VPS37B: variants seen among roughly 807,000 people sequenced by gnomAD.
VPS37B encodes VPS37B subunit of ESCRT-I.
A neutral mutation model predicts 21.2 loss-of-function variants in VPS37B; 11 were observed. The observed-to-expected ratio is 0.52, with a 90% CI of 0.33 to 0.86. The LOEUF (loss-of-function observed/expected upper bound fraction) is 0.86. Ranked by LOEUF, VPS37B falls within the 40% of genes least tolerant of loss-of-function variation. The pLI is 0.03. For missense variants in VPS37B, 389 were observed against 374.8 expected, an observed-to-expected ratio of 1.04 and a Z score of -0.31; for synonymous variants, 175 against 159.6, an observed-to-expected ratio of 1.10 and a Z score of -0.73.
chr12:122,877,491 CT>C (rs746835309), intron 1 of VPS37B: 3 of 152,292 alleles, frequency 2.0e-5, no homozygotes, highest in Non-Finnish European at 2.9e-5. Flanking sequence ...AAGCGATCCT[CT>C]TGCCTCAGCC....
intron 1 of VPS37B, chr12:122,874,412 CTT>C (rs1168145448): frequency 1.3e-5 from 2 of 152,212 alleles, no homozygotes; most frequent in African/African-American, 4.8e-5. Context: ...AAGCTGAAGA[CTT>C]TTGCTCCAGT....
At chr12:122,885,476 G>A (rs2034307634) in intron 1 of VPS37B, 1 of 151,700 alleles carries the variant, frequency 6.6e-6, no homozygotes, top group African/African-American at 2.4e-5. Context: ...AATACCCAGA[G>A]TATAACTTTA....
chr12:122,892,255 AAG>A (rs1428796593), intron 1 of VPS37B, among the ~76,000 whole-genome samples: 1 of 152,234 alleles, frequency 6.6e-6, no homozygotes, highest in African/African-American at 2.4e-5. Context: ...GAGGAACAGG[AAG>A]AGAGAAACTG....
chr12:122,883,650 T>G (rs976835213), intron 1 of VPS37B: 1 of 152,214 alleles, frequency 6.6e-6, no homozygotes, highest in Non-Finnish European at 1.5e-5. Context: ...CAGCTAATTT[T>G]TGTATTTTTA....
chr12:122,882,026 C>T (rs2034254277), intron 1 of VPS37B: 1 of 152,144 alleles, frequency 6.6e-6, no homozygotes. Flanking sequence ...CTTTTTAACC[C>T]TAGCTACAAT....
intron 1 of VPS37B, chr12:122,878,632 CCTTTT>C (rs2034197442): frequency 7.7e-6 from 1 of 130,560 alleles, no homozygotes; most frequent in African/African-American, 3.0e-5. Context: ...TGACAAGAGT[CCTTTT>C]TTTTTTTTTT....
At position 122,895,937 on chromosome 12, in the gene VPS37B, C is replaced by T. The variant is rs765183097; in HGVS notation, c.111+15G>A. ...GAGGCCTCACAGCCGCCGCCTTAAGCCCAGCTCGGCTCACCTCCTCCATCT... is the reference window on the plus strand; with the variant it reads ...GAGGCCTCACAGCCGCCGCCTTAAGTCCAGCTCGGCTCACCTCCTCCATCT... On this transcript the variant is annotated intron_variant, in intron 1 of 3. Coordinates refer to ENST00000267202, the MANE Select transcript of VPS37B (RefSeq NM_024667.3). 1 of 1,610,430 alleles carries T rather than the reference C, an allele frequency of 6.2e-7. No individual in the cohort carries two copies. The highest frequency in any genetic ancestry group is 8.5e-7 in the Non-Finnish European group (1 of 1,178,150).
intron 2 of VPS37B, chr12:122,870,668 C>A (rs545984400): frequency 9.4e-6 from 4 of 427,594 alleles, no homozygotes; most frequent in Non-Finnish European, 1.7e-5. Flanking sequence ...CCCAGGAGGT[C>A]GTGCTGAGCC....
At chr12:122,876,818 A>C (rs561105186) in intron 1 of VPS37B, 1 of 152,228 alleles carries the variant, frequency 6.6e-6, no homozygotes, top group East Asian at 1.9e-4. Flanking sequence ...CAAGAAAGAA[A>C]AGAGATCTAC....
intron 1 of VPS37B, chr12:122,872,572 T>C (rs1208187434): frequency 1.0e-6 from 1 of 985,272 alleles, no homozygotes; most frequent in East Asian, 1.1e-4. Context: ...TGGTAAGCAG[T>C]GGGGCTCCCG....
intron 2 of VPS37B, among the ~76,000 whole-genome samples, chr12:122,869,069 C>T (rs1758471796): frequency 6.6e-6 from 1 of 152,210 alleles, no homozygotes; most frequent in South Asian, 2.1e-4. Context: ...ACTCTCCTGG[C>T]TTCTTGCACT....
At chr12:122,881,781 A>T (rs2034250588) in intron 1 of VPS37B, 1 of 152,244 alleles carries the variant, frequency 6.6e-6, no homozygotes, top group Non-Finnish European at 1.5e-5. Flanking sequence ...CAATCATCTA[A>T]GGTTCATTCC....
chr12:122,883,799 C>G (rs1593919904), intron 1 of VPS37B: 1 of 152,220 alleles, frequency 6.6e-6, no homozygotes, highest in Admixed American at 6.5e-5. Context: ...TTTTCTAATA[C>G]TCAGAGGAAA....
intron 1 of VPS37B, chr12:122,871,310 T>C: frequency 8.0e-7 from 1 of 1,245,434 alleles, no homozygotes; most frequent in South Asian, 2.5e-5. Context: ...GGCTTTGTCC[T>C]GTGACTCCAT....
chr12:122,868,853 G>A lies in VPS37B; in HGVS notation c.284-291C>T, dbSNP rs753876441. On this transcript the variant is annotated intron_variant, in intron 2 of 3. Coordinates refer to ENST00000267202, the MANE Select transcript of VPS37B (RefSeq NM_024667.3). This position sits in a 1 kb window ranked among gnomAD's most constrained non-coding sequence, Gnocchi z 5.5. ...TATGTTTTGAGTGGTAACTTACATCGAGTATACACATCTCAAGTGTGTAAG... is the reference window on the plus strand; with the variant it reads ...TATGTTTTGAGTGGTAACTTACATCAAGTATACACATCTCAAGTGTGTAAG... Among the ~76,000 whole-genome samples the A allele has an allele frequency of 7.2e-5, 11 of 152,092 alleles. No individual in the cohort carries two copies. Among genetic ancestry groups the A allele is most frequent in the South Asian group, 2.1e-4 (1 of 4,820 alleles).
At chr12:122,888,298 C>A in intron 1 of VPS37B, 1 of 323,850 alleles carries the variant, frequency 3.1e-6, no homozygotes, top group Admixed American at 4.2e-5. Context: ...GCTAAGTCAC[C>A]TCTCTACTTT....
At chr12:122,875,946 A>C (rs1280681461) in intron 1 of VPS37B, 1 of 152,050 alleles carries the variant, frequency 6.6e-6, no homozygotes, top group Non-Finnish European at 1.5e-5. Context: ...CAACCTCTTG[A>C]TCATTCTCAT....
rs2033959334 is a variant in VPS37B, at chr12:122,868,707, A to G, written c.284-145T>C. 8 of 702,340 alleles carry G rather than the reference A, an allele frequency of 1.1e-5. No homozygotes were observed. The highest frequency in any genetic ancestry group is 2.8e-4 in the Middle Eastern group (1 of 3,626). 43.5% of individuals were successfully genotyped at this position (702,340 alleles called of 1,614,324 possible). A position where few individuals can be genotyped will look rare whatever the true frequency, so the allele number is the denominator to read the frequency against. On this transcript the variant is annotated intron_variant, in intron 2 of 3. Coordinates refer to ENST00000267202, the MANE Select transcript of VPS37B (RefSeq NM_024667.3). This position sits in a 1 kb window ranked among gnomAD's most constrained non-coding sequence, Gnocchi z 5.5. ...AACCTACAGGGGAACAAGTGCACCA[A>G]GCCAGTGCCCAGGGGCCAACATCCC...
intron 1 of VPS37B, chr12:122,881,987 A>C (rs1264152546): frequency 6.6e-6 from 1 of 152,186 alleles, no homozygotes; most frequent in African/African-American, 2.4e-5. Context: ...ATTCATGCTT[A>C]AAAATTTTAT....
Sources: allele counts gnomAD v4.1 joint callset (sites outside exome capture counted in the v4.1 genomes callset), GRCh38; gene constraint gnomAD v4.1.1; non-coding constraint Gnocchi (gnomAD v3.1); transcripts MANE v1.5; gene names NCBI Gene and HGNC (gene_info 2026-07-23, HGNC 2026-07-21).